Variants in TRIM55 observed in about 807,000 individuals in gnomAD.
TRIM55 encodes the protein tripartite motif-containing protein 55.
Under a neutral mutation model 60.9 loss-of-function variants are expected in TRIM55, and 50 were observed. The ratio of observed to expected loss-of-function variants is 0.82; its 90% confidence interval spans 0.65 to 1.04. The LOEUF (loss-of-function observed/expected upper bound fraction) is 1.04. TRIM55 is among the 50% of genes least tolerant of loss of function. The pLI, the probability that TRIM55 is intolerant of heterozygous loss-of-function variation, is 0.00. For missense variants in TRIM55, 681 were observed against 666.9 expected, an observed-to-expected ratio of 1.02 and a Z score of -0.23; for synonymous variants, 237 against 238.1, an observed-to-expected ratio of 1.00 and a Z score of 0.04.
chr8:66,113,407 C>T, the TRIM55 span: 4 of 423,438 alleles, frequency 9.4e-6, no homozygotes, highest in African/African-American at 4.1e-5. Context: ...ACTGTAGCTA[C>T]TTCCTCAGCA....
At chr8:66,171,458 T>C (rs1811628192) in intron 9 of TRIM55, among the ~76,000 whole-genome samples, 1 of 152,242 alleles carries the variant, frequency 6.6e-6, no homozygotes, top group Admixed American at 6.5e-5. Context: ...TATCTAAGGA[T>C]GCATTTATTA....
chr8:66,126,976 C>A (rs187133838), upstream of TRIM55: 30 of 283,910 alleles, frequency 1.1e-4, no homozygotes, highest in African/African-American at 6.5e-4. Flanking sequence ...TCCTTCCCAC[C>A]CACTCTCTTC....
chr8:66,141,675 G>C (rs1295463214), intron 4 of TRIM55, among the ~76,000 whole-genome samples: 4 of 152,230 alleles, frequency 2.6e-5, no homozygotes, highest in Non-Finnish European at 4.4e-5. Flanking sequence ...AGGCAGGCTG[G>C]CAGGCCTAGA....
chr8:66,128,924 A>T (rs1435580898), intron 2 of TRIM55, among the ~76,000 whole-genome samples: 2 of 152,206 alleles, frequency 1.3e-5, no homozygotes, highest in Non-Finnish European at 2.9e-5. Flanking sequence ...TAGTTCAGAC[A>T]GTCTTGCCTT....
chr8:66,171,827 A>G (rs1811654826), intron 9 of TRIM55, among the ~76,000 whole-genome samples: 1 of 152,262 alleles, frequency 6.6e-6, no homozygotes, highest in Admixed American at 6.5e-5. Context: ...TGAGGTAGCC[A>G]TGTATGAAGT....
chr8:66,151,288 C>T (rs1810404336), intron 7 of TRIM55, among the ~76,000 whole-genome samples: 1 of 152,114 alleles, frequency 6.6e-6, no homozygotes. Context: ...TACCTTTTGG[C>T]CCAGAAGTCC....
At position 66,152,301 on chromosome 8, in the gene TRIM55, A is replaced by G. The variant is rs748787559; in HGVS notation, c.986-76A>G. ...CCCAGCCTTGACCTTAACTAGGGCTATAAGCACTGGCCATTAACTGTGTCC... is the reference window on the plus strand; with the variant it reads ...CCCAGCCTTGACCTTAACTAGGGCTGTAAGCACTGGCCATTAACTGTGTCC... On this transcript the variant is annotated intron_variant, in intron 7 of 9. Transcript: ENST00000315962. 7 of 1,500,738 alleles carry G rather than the reference A, an allele frequency of 4.7e-6. No homozygotes were observed. The Admixed American group carries it at 8.9e-5, about 19-fold the overall frequency. 93.0% of individuals were successfully genotyped at this position (1,500,738 alleles called of 1,614,324 possible).
intron 2 of TRIM55, among the ~76,000 whole-genome samples, chr8:66,131,177 C>A (rs1809134651): frequency 6.6e-6 from 1 of 152,184 alleles, no homozygotes; most frequent in South Asian, 2.1e-4. Flanking sequence ...TTAATTCTCA[C>A]AATAATCCGG....
At chr8:66,151,700 C>A (rs997726303) in intron 7 of TRIM55, among the ~76,000 whole-genome samples, 1 of 151,794 alleles carries the variant, frequency 6.6e-6, no homozygotes, top group African/African-American at 2.4e-5. Flanking sequence ...AAAAATTAGC[C>A]GGGCGTGGTG....
At chr8:66,125,847 C>A (rs189391871), upstream of TRIM55, among the ~76,000 whole-genome samples, 1 of 152,282 alleles carries the variant, frequency 6.6e-6, no homozygotes, top group African/African-American at 2.4e-5. Flanking sequence ...ATTTAATTCA[C>A]ACCAGGGATA....
intron 2 of TRIM55, among the ~76,000 whole-genome samples, chr8:66,128,768 A>C (rs1472279169): frequency 6.6e-6 from 1 of 152,118 alleles, no homozygotes; most frequent in Non-Finnish European, 1.5e-5. Flanking sequence ...CTCCACCTTA[A>C]AGCCTGGTAT....
At chr8:66,152,742 C>T (rs1282107795) in intron 8 of TRIM55, 115 bp downstream of exon 8, 6 of 1,361,736 alleles carry the variant, frequency 4.4e-6, no homozygotes, top group African/African-American at 4.3e-5. Flanking sequence ...GCCAGACATT[C>T]GTATATGGTA....
chr8:66,152,140 G>A (rs1224771706), intron 7 of TRIM55, among the ~76,000 whole-genome samples: 1 of 152,122 alleles, frequency 6.6e-6, no homozygotes, highest in Non-Finnish European at 1.5e-5. Flanking sequence ...CAGAGGTGAA[G>A]ACTTTGTACT....
intron 9 of TRIM55, among the ~76,000 whole-genome samples, chr8:66,160,498 C>CT (rs963497759): frequency 6.6e-6 from 1 of 152,000 alleles, no homozygotes; most frequent in Non-Finnish European, 1.5e-5. Flanking sequence ...GTGCAAGTAT[C>CT]TTTTTTGTAT....
intron 2 of TRIM55, among the ~76,000 whole-genome samples, chr8:66,133,024 G>T (rs1809258097): frequency 6.6e-6 from 1 of 152,196 alleles, no homozygotes; most frequent in Non-Finnish European, 1.5e-5. Context: ...GACCCAAGCT[G>T]CCCACTCTTG....
chr8:66,144,566 G>T (rs574819073), intron 4 of TRIM55, among the ~76,000 whole-genome samples: 2 of 152,178 alleles, frequency 1.3e-5, no homozygotes, highest in Non-Finnish European at 2.9e-5. Context: ...ACTCACACAG[G>T]TGCACACACA....
chr8:66,131,067 T>C (rs1563633963), intron 2 of TRIM55, among the ~76,000 whole-genome samples: 1 of 152,012 alleles, frequency 6.6e-6, no homozygotes, highest in Non-Finnish European at 1.5e-5. Context: ...TAATAATTAA[T>C]ATAATAATAA....
chr8:66,127,329 G>A lies in TRIM55; in HGVS notation c.61G>A (p.Glu21Lys). 1.2e-6 allele frequency: 2 copies of A among 1,614,198 alleles called. No individual in the cohort carries two copies. Among genetic ancestry groups the A allele is most frequent in the African/African-American group, 1.3e-5 (1 of 75,056 alleles). ...AGAGCAGCAGACCATGGATAACTTA[G>A]AGAAGCAACTCATCTGTCCCATCTG... ...SKEQQTMDNL[E>K]KQLICPICLE... Residue 21 changes from glutamate (E) to lysine (K), a missense_variant, in exon 1 of 10, where the codon GAG becomes AAG. Physicochemically the swap from Glu to Lys is moderately conservative, Grantham distance 56. Transcript: ENST00000315962.
chr8:66,130,505 G>T (rs952706726), intron 2 of TRIM55, among the ~76,000 whole-genome samples: 1 of 143,874 alleles, frequency 7.0e-6, no homozygotes. Flanking sequence ...GGTAACACTG[G>T]AATGACCTTG....
Sources: allele counts gnomAD v4.1 joint callset (sites outside exome capture counted in the v4.1 genomes callset), GRCh38; gene constraint gnomAD v4.1.1; transcripts MANE v1.5; gene names NCBI Gene and HGNC (gene_info 2026-07-23, HGNC 2026-07-21).